BABAM2: variants seen among roughly 807,000 people sequenced by gnomAD.
BABAM2 encodes BRISC and BRCA1 A complex member 2.
A neutral mutation model predicts 54.7 loss-of-function variants in BABAM2; 31 were observed. The ratio of observed to expected loss-of-function variants is 0.57; its 90% CI spans 0.43 to 0.77. The LOEUF is 0.77. BABAM2 is among the 30% of genes least tolerant of loss of function. The pLI, the probability that BABAM2 is intolerant of heterozygous loss-of-function variation, is 0.00. For missense variants in BABAM2, 364 were observed against 455.8 expected (o/e 0.80, Z 1.83); for synonymous variants, 167 against 162.9 (o/e 1.03, Z -0.19).
intron 4 of BABAM2, among the ~76,000 whole-genome samples, chr2:27,996,950 C>A (rs1051921993): frequency 1.3e-5 from 2 of 152,158 alleles, no homozygotes; most frequent in African/African-American, 4.8e-5. Context: ...TTCGTCCCAC[C>A]TGGAAGTCCT....
intron 7 of BABAM2, among the ~76,000 whole-genome samples, chr2:28,180,798 A>G (rs1675540169): frequency 6.6e-6 from 1 of 152,222 alleles, no homozygotes; most frequent in African/African-American, 2.4e-5. Flanking sequence ...AAAGTGGGCA[A>G]AGACATGAAT....
intron 7 of BABAM2, among the ~76,000 whole-genome samples, chr2:28,218,209 T>A (rs563241276): frequency 6.6e-6 from 1 of 152,312 alleles, no homozygotes; most frequent in East Asian, 1.9e-4. Context: ...CAGAATGTAT[T>A]TCCTAAGAAC....
intron 4 of BABAM2, among the ~76,000 whole-genome samples, chr2:28,014,813 A>C (rs549405527): frequency 1.3e-5 from 2 of 152,234 alleles, no homozygotes; most frequent in Admixed American, 6.5e-5. Context: ...AAATTCATAC[A>C]AAAAATAAAC....
At chr2:28,244,555 G>T (rs1682746516) in intron 9 of BABAM2, among the ~76,000 whole-genome samples, 1 of 152,022 alleles carries the variant, frequency 6.6e-6, no homozygotes, top group Non-Finnish European at 1.5e-5. Context: ...TAAGTGATTT[G>T]CCTGAGGTCA....
At chr2:28,338,111 A>G (rs1184702720) in intron 11 of BABAM2, among the ~76,000 whole-genome samples, 2 of 152,238 alleles carry the variant, frequency 1.3e-5, no homozygotes, top group African/African-American at 2.4e-5. Flanking sequence ...GCGTGGTTCA[A>G]TTGCACACAC....
chr2:27,922,909 C>T, intron 2 of BABAM2, among the ~76,000 whole-genome samples: 1 of 152,146 alleles, frequency 6.6e-6, no homozygotes, highest in East Asian at 1.9e-4. Flanking sequence ...GGACAAGTTG[C>T]CATTCTATAA....
intron 6 of BABAM2, among the ~76,000 whole-genome samples, chr2:28,125,059 G>A (rs1229670093): frequency 2.0e-5 from 3 of 152,080 alleles, no homozygotes; most frequent in African/African-American, 7.2e-5. Flanking sequence ...GATGGATAAT[G>A]GATTTGATCA....
At chr2:27,910,693 G>A (rs750639100) in intron 2 of BABAM2, among the ~76,000 whole-genome samples, 2 of 152,112 alleles carry the variant, frequency 1.3e-5, no homozygotes, top group Non-Finnish European at 2.9e-5. Flanking sequence ...GGCATTTTGT[G>A]TGAGGCTTCG....
intron 3 of BABAM2, among the ~76,000 whole-genome samples, chr2:27,954,358 A>C (rs771546742): frequency 4.6e-5 from 7 of 152,222 alleles, no homozygotes; most frequent in Non-Finnish European, 8.8e-5. Flanking sequence ...GCACCGTAGG[A>C]GTGCAGCAGC....
chr2:27,907,836 C>T (rs908178986), intron 2 of BABAM2, among the ~76,000 whole-genome samples: 9 of 152,112 alleles, frequency 5.9e-5, no homozygotes, highest in African/African-American at 1.7e-4. Flanking sequence ...AAGGTTCATC[C>T]GTGTTGTAGT....
At chr2:28,283,488 G>A (rs886192959) in intron 10 of BABAM2, among the ~76,000 whole-genome samples, 3 of 152,168 alleles carry the variant, frequency 2.0e-5, no homozygotes, top group African/African-American at 4.8e-5. Context: ...CCTGGCTCTC[G>A]CCTTCTAGTA....
At chr2:27,894,789 C>A in intron 2 of BABAM2, 105 bp downstream of exon 2, 1 of 1,348,406 alleles carries the variant, frequency 7.4e-7, no homozygotes, top group Non-Finnish European at 1.0e-6. Context: ...CCACAGAAAC[C>A]CACCAAGTCA....
chr2:28,047,834 T>C (rs527589010), intron 6 of BABAM2, among the ~76,000 whole-genome samples: 1 of 152,192 alleles, frequency 6.6e-6, no homozygotes, highest in Non-Finnish European at 1.5e-5. Flanking sequence ...GAGAAACTCT[T>C]GTGTAACACA....
rs77909388 is a variant in BABAM2, at chr2:28,049,632, T to C, written c.570+3833T>C. Among the ~76,000 whole-genome samples the C allele has an allele frequency of 7.8e-3, 1,183 of 152,330 alleles. 11 individuals are homozygous for C. Among genetic ancestry groups the C allele is most frequent in the African/African-American group, 0.027 (1,134 of 41,560 alleles). On this transcript the variant is annotated intron_variant, in intron 6 of 11. Coordinates refer to ENST00000379624, the MANE Select transcript of BABAM2 (RefSeq NM_199191.3). ...TGTGAAAAAGCTAAAATAGGTTGTT[T>C]ATACAAGAGATGAAGTTCTCATCCT...
At chr2:28,214,757 C>T (rs75802042) in intron 7 of BABAM2, among the ~76,000 whole-genome samples, 1,916 of 151,096 alleles carry the variant, frequency 0.013, 29 homozygotes, top group African/African-American at 0.044. Flanking sequence ...GGGTAAGTTC[C>T]TCTCTATTCC....
intron 11 of BABAM2, among the ~76,000 whole-genome samples, chr2:28,319,261 C>T (rs1383982464): frequency 6.6e-6 from 1 of 152,216 alleles, no homozygotes; most frequent in Non-Finnish European, 1.5e-5. Context: ...CAGTAAGAAC[C>T]TTTGTGCAAA....
chr2:28,009,114 C>T (rs917150094), intron 4 of BABAM2, among the ~76,000 whole-genome samples: 5 of 152,066 alleles, frequency 3.3e-5, no homozygotes, highest in East Asian at 1.9e-4. Flanking sequence ...GAAAATTCAT[C>T]GGAAAAGTAA....
At chr2:28,336,491 C>T (rs1572443753) in intron 11 of BABAM2, among the ~76,000 whole-genome samples, 1 of 152,244 alleles carries the variant, frequency 6.6e-6, no homozygotes, top group African/African-American at 2.4e-5. Flanking sequence ...TGCTGCAGGA[C>T]CAGGAGTTCC....
At chr2:28,074,002 C>T (rs913680633) in intron 6 of BABAM2, among the ~76,000 whole-genome samples, 1 of 150,544 alleles carries the variant, frequency 6.6e-6, no homozygotes, top group Non-Finnish European at 1.5e-5. Context: ...TATATATTTA[C>T]ACATATATAC....
Sources: allele counts gnomAD v4.1 joint callset (sites outside exome capture counted in the v4.1 genomes callset), GRCh38; gene constraint gnomAD v4.1.1; transcripts MANE v1.5; gene names NCBI Gene and HGNC (gene_info 2026-07-23, HGNC 2026-07-21).